AGPAT5: variants seen among roughly 807,000 people sequenced by gnomAD.
The protein encoded by AGPAT5 is 1-acylglycerol-3-phosphate O-acyltransferase 5, also known as 1-acyl-sn-glycerol-3-phosphate acyltransferase epsilon.
AGPAT5 carries 46 observed loss-of-function variants against 45.6 expected under a neutral mutation model. That is an observed-to-expected ratio of 1.01 (90% CI 0.80 to 1.29). The LOEUF (loss-of-function observed/expected upper bound fraction) is 1.29, where lower values mean the gene tolerates loss of function less well. Ranked by LOEUF, AGPAT5 falls within the 50% of genes most tolerant of loss-of-function variation. AGPAT5 has a pLI of 0.00. For missense variants in AGPAT5, 673 were observed against 450.7 expected (o/e 1.49, Z -4.47); for synonymous variants, 272 against 167.0 (o/e 1.63, Z -4.85).
At chr8:6,754,722 G>A (rs1472929485) in intron 6 of AGPAT5, among the ~76,000 whole-genome samples, 3 of 152,144 alleles carry the variant, frequency 2.0e-5, no homozygotes, top group African/African-American at 4.8e-5. Context: ...TGGACTTAGA[G>A]GAGGCTCCAG....
intron 4 of AGPAT5, among the ~76,000 whole-genome samples, chr8:6,737,211 C>G (rs769507739): frequency 3.9e-5 from 6 of 152,130 alleles, no homozygotes; most frequent in African/African-American, 1.4e-4. Context: ...GGTCACTGTC[C>G]CAGGTCGGGT....
chr8:6,718,699 T>G (rs1008035816), intron 1 of AGPAT5, among the ~76,000 whole-genome samples: 3 of 152,242 alleles, frequency 2.0e-5, no homozygotes, highest in Admixed American at 2.0e-4. Context: ...GCCCTGTTCT[T>G]ATGATACTGC....
At position 6,755,092 on chromosome 8, in the gene AGPAT5, G is replaced by C; in HGVS notation, c.787G>C (p.Asp263His). The change falls in exon 7 of 8, where the codon GAT (aspartate) becomes CAT (histidine). Residue 263 changes from aspartate to histidine, a missense_variant. Coordinates refer to ENST00000285518, the MANE Select transcript of AGPAT5 (RefSeq NM_018361.5). ...ATGTCCAAAAATTCATATTCACATT[G>C]ATCGTATCGACAAAAAAGATGTCCC... Reference protein sequence around the residue: ...KECPKIHIHIDRIDKKDVPEE... With the variant: ...KECPKIHIHIHRIDKKDVPEE... 6.2e-7 allele frequency: 1 copy of C among 1,605,002 alleles called. No homozygotes were observed. The highest frequency in any genetic ancestry group is 2.2e-5 in the East Asian group (1 of 44,610).
In AGPAT5 at chr8:6,757,614, A is replaced by G; in HGVS notation, c.*226A>G. 1 of 493,502 alleles carries G rather than the reference A, an allele frequency of 2.0e-6. No individual in the cohort carries two copies. Among genetic ancestry groups the G allele is most frequent in the Non-Finnish European group, 3.6e-6 (1 of 275,822 alleles). The allele number at this position is 493,502 out of a possible 1,614,324, so 30.6% of individuals were successfully genotyped here. On this transcript the variant is annotated 3_prime_UTR_variant, in exon 8 of 8. Transcript: ENST00000285518. ...GGGCTGCTGGAAGGGTAAAAGCTAA[A>G]TGGAGTTTCTCCTGCTCTGTCCATT...
intron 1 of AGPAT5, among the ~76,000 whole-genome samples, chr8:6,714,062 C>G (rs1401599478): frequency 6.6e-6 from 1 of 152,208 alleles, no homozygotes; most frequent in Non-Finnish European, 1.5e-5. Context: ...TATAAGTCAT[C>G]TAGTCTACTC....
At chr8:6,742,546 AG>A (rs1801275569) in intron 5 of AGPAT5, among the ~76,000 whole-genome samples, 1 of 152,228 alleles carries the variant, frequency 6.6e-6, no homozygotes, top group African/African-American at 2.4e-5. Flanking sequence ...GGCCTATGAC[AG>A]TGCTGTCTAA....
At chr8:6,750,275 C>G (rs185581456) in intron 6 of AGPAT5, among the ~76,000 whole-genome samples, 2 of 152,292 alleles carry the variant, frequency 1.3e-5, no homozygotes, top group Non-Finnish European at 2.9e-5. Context: ...TTGAGGAAGC[C>G]AAAACCTTCT....
At chr8:6,744,748 C>T (rs934738615) in intron 5 of AGPAT5, among the ~76,000 whole-genome samples, 21 of 152,242 alleles carry the variant, frequency 1.4e-4, no homozygotes, top group Non-Finnish European at 2.6e-4. Context: ...TCTAATCTCT[C>T]TTTCCTTGGC....
Position 6,757,423 on chromosome 8 carries a change from C to G in AGPAT5, c.*35C>G. 1 of 1,562,658 alleles carries G rather than the reference C, an allele frequency of 6.4e-7. No homozygotes were observed. The highest frequency in any genetic ancestry group is 8.8e-7 in the Non-Finnish European group (1 of 1,136,008). On this transcript the variant is annotated 3_prime_UTR_variant, in exon 8 of 8. Transcript: ENST00000285518. Reference sequence around the variant, plus strand: ...TGTCTCCAGACAGTGGGATGTGCTACATTGTCTATTTTTGGCGGCTGCACA... The same window carrying G: ...TGTCTCCAGACAGTGGGATGTGCTAGATTGTCTATTTTTGGCGGCTGCACA...
At chr8:6,737,378 G>A (rs1801091014) in intron 4 of AGPAT5, among the ~76,000 whole-genome samples, 1 of 152,170 alleles carries the variant, frequency 6.6e-6, no homozygotes, top group African/African-American at 2.4e-5. Flanking sequence ...TGGCTTACTA[G>A]TTCTCATGAA....
At chr8:6,725,057 A>G (rs1265162118) in intron 2 of AGPAT5, 118 bp downstream of exon 2, 1 of 336,220 alleles carries the variant, frequency 3.0e-6, no homozygotes, top group Non-Finnish European at 5.6e-6. Context: ...TTCTGTGCAG[A>G]TATTACACCT....
chr8:6,732,126 C>G (rs1307007468), intron 3 of AGPAT5, among the ~76,000 whole-genome samples: 2 of 152,120 alleles, frequency 1.3e-5, no homozygotes, highest in South Asian at 4.1e-4. Context: ...GTAACAGTGC[C>G]ACATAAATAT....
chr8:6,730,871 A>AATT, intron 3 of AGPAT5, 45 bp downstream of exon 3: 1 of 935,920 alleles, frequency 1.1e-6, no homozygotes, highest in African/African-American at 1.9e-5. Context: ...TAGTTTATAA[A>AATT]TTTTTTTTTT....
intron 1 of AGPAT5, 88 bp from the exon 2 acceptor site, chr8:6,724,782 C>T (rs1284950168): frequency 9.8e-6 from 4 of 408,046 alleles, no homozygotes; most frequent in South Asian, 7.7e-5. Context: ...TTCACAACAT[C>T]ATTCGTCAGT....
chr8:6,717,028 A>G (rs1800356413), intron 1 of AGPAT5, among the ~76,000 whole-genome samples: 1 of 152,314 alleles, frequency 6.6e-6, no homozygotes, highest in South Asian at 2.1e-4. Flanking sequence ...CTTTCCTTAA[A>G]TAGATGAAGG....
intron 2 of AGPAT5, among the ~76,000 whole-genome samples, chr8:6,726,856 C>G (rs1031025120): frequency 6.6e-6 from 1 of 152,108 alleles, no homozygotes; most frequent in Non-Finnish European, 1.5e-5. Flanking sequence ...TTTTGAAAGC[C>G]TTTTAAAATT....
At chr8:6,719,590 A>G (rs1800437075) in intron 1 of AGPAT5, among the ~76,000 whole-genome samples, 1 of 152,218 alleles carries the variant, frequency 6.6e-6, no homozygotes, top group Admixed American at 6.5e-5. Context: ...AGACATCACC[A>G]TTATCAGCAC....
chr8:6,755,034 T>G lies in AGPAT5; in HGVS notation c.746-17T>G. ...CTAAAATAGTAAAAAAAAAGAATTA[T>G]TTTTGTTCTTTGTTAGAATTTCTCT... On this transcript the variant is annotated splice_polypyrimidine_tract_variant and intron_variant, in intron 6 of 7. Transcript: ENST00000285518. 1 of 1,557,456 alleles carries G rather than the reference T, an allele frequency of 6.4e-7. No individual in the cohort carries two copies. Among genetic ancestry groups the G allele is most frequent in the Non-Finnish European group, 8.7e-7 (1 of 1,153,058 alleles).
chr8:6,744,984 G>A (rs1007997029), intron 5 of AGPAT5, among the ~76,000 whole-genome samples: 13 of 152,204 alleles, frequency 8.5e-5, no homozygotes, highest in Non-Finnish European at 1.8e-4. Context: ...AGTCTGTGTG[G>A]AGCAGTTCTT....
Sources: gnomAD v4.1 joint callset for allele counts (sites outside exome capture counted in the v4.1 genomes callset) on GRCh38, gnomAD v4.1.1 for gene constraint, MANE v1.5 for transcripts, NCBI Gene and HGNC (gene_info 2026-07-23, HGNC 2026-07-21) for gene names.